Variants in SLC8A3 observed in about 807,000 individuals in gnomAD.
The protein encoded by SLC8A3 is solute carrier family 8 member A3, also known as sodium/calcium exchanger 3.
Under a neutral mutation model 65.4 loss-of-function variants are expected in SLC8A3, and 37 were observed. The observed-to-expected ratio is 0.57, with a 90% CI of 0.44 to 0.74. The LOEUF (loss-of-function observed/expected upper bound fraction) is 0.74. Ranked by LOEUF, SLC8A3 falls within the 30% of genes least tolerant of loss-of-function variation. The pLI is 0.00. For missense variants in SLC8A3, 1,112 were observed against 1,172.1 expected, an observed-to-expected ratio of 0.95 and a Z score of 0.75; for synonymous variants, 461 against 444.5, an observed-to-expected ratio of 1.04 and a Z score of -0.47.
intron 1 of SLC8A3, among the ~76,000 whole-genome samples, chr14:70,173,757 A>T (rs1454023294): frequency 6.6e-6 from 1 of 152,102 alleles, no homozygotes; most frequent in Non-Finnish European, 1.5e-5. Context: ...AGCACACTGC[A>T]TATTCTCCTG....
At chr14:70,101,117 T>C (rs975773816) in intron 2 of SLC8A3, among the ~76,000 whole-genome samples, 2 of 152,208 alleles carry the variant, frequency 1.3e-5, no homozygotes, top group African/African-American at 4.8e-5. Flanking sequence ...AATAATACTG[T>C]GGATGTGGTA....
At chr14:70,172,708 G>A (rs920618395) in intron 1 of SLC8A3, among the ~76,000 whole-genome samples, 10 of 151,822 alleles carry the variant, frequency 6.6e-5, no homozygotes, top group Admixed American at 1.3e-4. Flanking sequence ...GAGACACCGC[G>A]TTTGCCCTCA....
intron 3 of SLC8A3, among the ~76,000 whole-genome samples, chr14:70,057,321 GA>G (rs1888255482): frequency 6.6e-6 from 1 of 152,146 alleles, no homozygotes; most frequent in African/African-American, 2.4e-5. Flanking sequence ...TAGATAGATA[GA>G]TAGATAGATA....
At chr14:70,101,698 T>C (rs1430148182) in intron 2 of SLC8A3, among the ~76,000 whole-genome samples, 1 of 152,146 alleles carries the variant, frequency 6.6e-6, no homozygotes, top group Non-Finnish European at 1.5e-5. Context: ...AAAACAATCA[T>C]AAAACTGGAA....
At chr14:70,104,009 C>T (rs1401283994) in intron 2 of SLC8A3, among the ~76,000 whole-genome samples, 2 of 151,910 alleles carry the variant, frequency 1.3e-5, no homozygotes, top group African/African-American at 4.8e-5. Flanking sequence ...AAAAAGACTT[C>T]AAGATAAAGA....
chr14:70,133,498 G>T (rs1244251717), intron 2 of SLC8A3, among the ~76,000 whole-genome samples: 2 of 152,202 alleles, frequency 1.3e-5, no homozygotes, highest in African/African-American at 2.4e-5. Context: ...AGAACAAGGT[G>T]CATTGAGGCT....
At chr14:70,109,584 A>G (rs1342330503) in intron 2 of SLC8A3, among the ~76,000 whole-genome samples, 1 of 151,494 alleles carries the variant, frequency 6.6e-6, no homozygotes, top group Non-Finnish European at 1.5e-5. Context: ...CCTCCCAAGG[A>G]GCTGAGACTA....
At chr14:70,055,889 C>A in intron 3 of SLC8A3, 1 of 1,390,620 alleles carries the variant, frequency 7.2e-7, no homozygotes, top group Non-Finnish European at 1.0e-6. Flanking sequence ...GAAAGTATCA[C>A]CAGGTTTTGT....
intron 2 of SLC8A3, among the ~76,000 whole-genome samples, chr14:70,116,353 GTGTA>G (rs372975997): frequency 5.6e-5 from 8 of 143,816 alleles, no homozygotes; most frequent in Admixed American, 1.4e-4. Context: ...GTGTGTGTGT[GTGTA>G]TGTGTGTGCA....
At chr14:70,060,196 A>G (rs1888623838) in intron 3 of SLC8A3, 1 of 156,658 alleles carries the variant, frequency 6.4e-6, no homozygotes, top group Non-Finnish European at 1.4e-5. Context: ...ACCTCCTCGA[A>G]GGGCAGAGGG....
rs2139670927 is a variant in SLC8A3 at position 70,045,996 on chromosome 14, T to C, written c.2717A>G (p.Tyr906Cys). The C allele has an allele frequency of 2.5e-6, 4 of 1,612,082 alleles. No individual in the cohort carries two copies. The highest frequency in any genetic ancestry group is 3.4e-6 in the Non-Finnish European group (4 of 1,178,990). ...GGCCTCTAGTGTGGCAAAGAGTATG[T>C]AGAGGAGCCACAGGCTCACAAAGAG... is the stretch of plus-strand genomic sequence containing the variant. ...TWLFVSLWLL[Y>C]ILFATLEAYC... Residue 906 changes from tyrosine to cysteine, a missense_variant, in exon 7 of 7, where the codon TAC becomes TGC. By Grantham distance (194) the Tyr-to-Cys change is radical. Transcript: ENST00000356921.
chr14:70,181,991 C>G (rs1158627031), intron 1 of SLC8A3, among the ~76,000 whole-genome samples: 2 of 152,042 alleles, frequency 1.3e-5, no homozygotes, highest in Admixed American at 6.6e-5. Context: ...AGATGGTAAA[C>G]ACACACACAT....
At chr14:70,051,657 A>G (rs1228472421) in intron 4 of SLC8A3, among the ~76,000 whole-genome samples, 1 of 152,170 alleles carries the variant, frequency 6.6e-6, no homozygotes, top group African/African-American at 2.4e-5. Context: ...GAATAATAAT[A>G]ATGATGTTAA....
intron 1 of SLC8A3, among the ~76,000 whole-genome samples, chr14:70,179,813 G>C (rs1882575716): frequency 6.6e-6 from 1 of 152,158 alleles, no homozygotes; most frequent in Non-Finnish European, 1.5e-5. Flanking sequence ...TCACTCACAG[G>C]ATCTTATTTA....
chr14:70,155,763 C>T (rs147291322), intron 2 of SLC8A3, among the ~76,000 whole-genome samples: 264 of 152,360 alleles, frequency 1.7e-3, no homozygotes, highest in Non-Finnish European at 3.1e-3. Flanking sequence ...GATCCCCTTA[C>T]GGAGTTACCA....
At chr14:70,116,660 G>A (rs1893691975) in intron 2 of SLC8A3, among the ~76,000 whole-genome samples, 1 of 152,116 alleles carries the variant, frequency 6.6e-6, no homozygotes, top group Non-Finnish European at 1.5e-5. Flanking sequence ...GTAATTCCCA[G>A]TAAGTTTTCC....
chr14:70,179,978 G>A (rs765030517), intron 1 of SLC8A3, among the ~76,000 whole-genome samples: 16 of 152,128 alleles, frequency 1.1e-4, no homozygotes, highest in Non-Finnish European at 2.2e-4. Context: ...GTGTCATGTC[G>A]GGAAGGACCA....
In SLC8A3 at chr14:70,050,836, A is replaced by G. The variant is rs140523436; in HGVS notation, c.2113+172T>C. Among the ~76,000 whole-genome samples, 1,179 of 152,260 alleles carry G rather than the reference A, an allele frequency of 7.7e-3. 44 individuals are homozygous for G. Among genetic ancestry groups the G allele is most frequent in the Admixed American group, 0.071 (1,081 of 15,302 alleles). On this transcript the variant is annotated intron_variant, in intron 5 of 6. Transcript: ENST00000356921. ...CAACGATTTGAAACCAGAGATAACCATGTTTTTCAGATACGCCATGATTCT... is the reference window on the plus strand; with the variant it reads ...CAACGATTTGAAACCAGAGATAACCGTGTTTTTCAGATACGCCATGATTCT...
At chr14:70,085,242 C>T (rs181453386) in intron 2 of SLC8A3, among the ~76,000 whole-genome samples, 68 of 151,826 alleles carry the variant, frequency 4.5e-4, no homozygotes, top group African/African-American at 1.5e-3. Context: ...AGATTAGCAC[C>T]CCATTTTTCA....
Sources: allele counts gnomAD v4.1 joint callset (sites outside exome capture counted in the v4.1 genomes callset), GRCh38; gene constraint gnomAD v4.1.1; transcripts MANE v1.5; gene names NCBI Gene and HGNC (gene_info 2026-07-23, HGNC 2026-07-21).